The following TRHDE variants were observed in gnomAD, a reference collection of about 807,000 sequenced individuals.
TRHDE encodes the protein thyrotropin-releasing hormone-degrading ectoenzyme.
In TRHDE, 72 loss-of-function variants were observed where a neutral mutation model predicts 125.7. That is an observed-to-expected ratio of 0.57 (90% CI 0.47 to 0.70). The LOEUF (loss-of-function observed/expected upper bound fraction) is 0.70. Among genes scored for constraint, TRHDE ranks in the 30% least tolerant of loss-of-function variants. The probability of loss-of-function intolerance (pLI) is 0.00; values close to 1 mark genes in which losing one functional copy is unlikely to be tolerated. For synonymous variants in TRHDE, 509 were observed against 509.1 expected, an observed-to-expected ratio of 1.00 and a Z score of 0.00; for missense variants, 1,110 against 1,327.1, an observed-to-expected ratio of 0.84 and a Z score of 2.54.
At chr12:72,217,816 T>G (rs1187016049) in intron 2 of TRHDE, among the ~76,000 whole-genome samples, 3 of 152,150 alleles carry the variant, frequency 2.0e-5, no homozygotes, top group African/African-American at 7.2e-5. Flanking sequence ...AGTTTTTTAC[T>G]ATGTTTGATG....
intron 12 of TRHDE, among the ~76,000 whole-genome samples, chr12:72,604,270 G>A (rs1297181878): frequency 2.6e-5 from 4 of 152,074 alleles, no homozygotes; most frequent in Non-Finnish European, 4.4e-5. Flanking sequence ...TAGCTTAACT[G>A]AGATGAAATT....
chr12:72,412,284 G>C (rs1353078860), intron 3 of TRHDE, among the ~76,000 whole-genome samples: 2 of 151,934 alleles, frequency 1.3e-5, no homozygotes, highest in African/African-American at 4.8e-5. Flanking sequence ...AGAAAAAGAG[G>C]CAACTTAAAA....
intron 6 of TRHDE, among the ~76,000 whole-genome samples, chr12:72,537,272 C>T (rs1482415065): frequency 2.0e-5 from 3 of 151,982 alleles, no homozygotes; most frequent in African/African-American, 7.3e-5. Context: ...GGCCCTGTTT[C>T]CCCACCCAAA....
chr12:72,428,584 G>T (rs1874288773), intron 3 of TRHDE, among the ~76,000 whole-genome samples: 3 of 152,000 alleles, frequency 2.0e-5, no homozygotes, highest in Admixed American at 2.0e-4. Flanking sequence ...TTTATTAGAA[G>T]GGAGGAATAA....
chr12:72,478,142 T>G (rs762604706), intron 5 of TRHDE, among the ~76,000 whole-genome samples: 2 of 152,148 alleles, frequency 1.3e-5, no homozygotes, highest in Non-Finnish European at 2.9e-5. Context: ...AACTAGAAGG[T>G]GATCCAAATG....
chr12:72,097,648 G>A (rs1218669184), intron 1 of TRHDE, among the ~76,000 whole-genome samples: 3 of 151,816 alleles, frequency 2.0e-5, no homozygotes, highest in East Asian at 1.9e-4. Flanking sequence ...ACAAGGTCTT[G>A]ATATGTTGCC....
intron 2 of TRHDE, chr12:72,257,802 T>C (rs1366606305): frequency 2.0e-5 from 3 of 152,184 alleles, no homozygotes; most frequent in African/African-American, 7.2e-5. Context: ...CAGAGGAAGA[T>C]GGTTTAGAAA....
At chr12:72,467,778 G>A (rs559313732) in intron 3 of TRHDE, among the ~76,000 whole-genome samples, 7 of 152,332 alleles carry the variant, frequency 4.6e-5, no homozygotes, top group South Asian at 4.1e-4. Flanking sequence ...TCGCACCACT[G>A]CACTCTGGCC....
intron 2 of TRHDE, among the ~76,000 whole-genome samples, chr12:72,185,796 T>A (rs1592474619): frequency 1.3e-5 from 2 of 152,072 alleles, no homozygotes; most frequent in South Asian, 2.1e-4. Flanking sequence ...CTCGGCACTC[T>A]GTATCTAGCT....
At chr12:72,558,040 G>A (rs1285188493) in intron 7 of TRHDE, among the ~76,000 whole-genome samples, 2 of 151,514 alleles carry the variant, frequency 1.3e-5, no homozygotes, top group Non-Finnish European at 2.9e-5. Context: ...CAGGGAGAGA[G>A]AGGAGAGAGA....
intron 3 of TRHDE, among the ~76,000 whole-genome samples, chr12:72,447,337 T>C (rs1350428141): frequency 6.6e-6 from 1 of 152,100 alleles, no homozygotes; most frequent in African/African-American, 2.4e-5. Context: ...AGACACAACA[T>C]ACCAGAATCT....
intron 15 of TRHDE, among the ~76,000 whole-genome samples, chr12:72,651,002 G>A (rs1330207705): frequency 6.6e-6 from 1 of 152,090 alleles, no homozygotes; most frequent in East Asian, 1.9e-4. Context: ...AGGGCTTCCA[G>A]TGCTGAGATG....
intron 2 of TRHDE, among the ~76,000 whole-genome samples, chr12:72,341,482 T>C (rs934709038): frequency 1.3e-4 from 20 of 152,154 alleles, no homozygotes; most frequent in African/African-American, 4.3e-4. Flanking sequence ...TTGCAAATAA[T>C]TTTCTAACTG....
upstream of TRHDE, among the ~76,000 whole-genome samples, chr12:72,269,723 A>T (rs1009226329): frequency 3.9e-5 from 6 of 152,194 alleles, no homozygotes; most frequent in African/African-American, 9.6e-5. Flanking sequence ...CCTTGCAAAA[A>T]TGTATTGTAC....
chr12:72,471,500 T>C (rs766537491), intron 4 of TRHDE, among the ~76,000 whole-genome samples: 2 of 152,194 alleles, frequency 1.3e-5, no homozygotes, highest in African/African-American at 2.4e-5. Context: ...GTTACTTTCT[T>C]GTTATAGCTT....
chr12:72,465,744 A>T (rs1338975592), intron 3 of TRHDE, among the ~76,000 whole-genome samples: 2 of 152,188 alleles, frequency 1.3e-5, no homozygotes, highest in South Asian at 4.1e-4. Flanking sequence ...ATCATATAAG[A>T]TTCCTTAAGT....
intron 2 of TRHDE, among the ~76,000 whole-genome samples, chr12:72,237,110 T>C (rs1041189512): frequency 6.6e-6 from 1 of 152,190 alleles, no homozygotes; most frequent in Non-Finnish European, 1.5e-5. Context: ...TGAAATAGCA[T>C]AGTGAGATCA....
At chr12:72,127,682 A>G (rs541105317) in intron 2 of TRHDE, among the ~76,000 whole-genome samples, 4 of 152,210 alleles carry the variant, frequency 2.6e-5, no homozygotes, top group African/African-American at 9.6e-5. Context: ...GGAGTAAGGG[A>G]GAGAAGGGGG....
chr12:72,612,156 G>A (rs1289402932), intron 12 of TRHDE, among the ~76,000 whole-genome samples: 1 of 152,092 alleles, frequency 6.6e-6, no homozygotes, highest in Non-Finnish European at 1.5e-5. Flanking sequence ...TCCTCAGTCA[G>A]TATTCTCCTC....
Sources: gnomAD v4.1 joint callset for allele counts (sites outside exome capture counted in the v4.1 genomes callset) on GRCh38, gnomAD v4.1.1 for gene constraint, MANE v1.5 for transcripts, NCBI Gene and HGNC (gene_info 2026-07-23, HGNC 2026-07-21) for gene names.